LRBA: variants seen among roughly 807,000 people sequenced by gnomAD.
The protein encoded by LRBA is lipopolysaccharide-responsive and beige-like anchor protein.
A neutral mutation model predicts 330.0 loss-of-function variants in LRBA; 176 were observed. The ratio of observed to expected loss-of-function variants is 0.53; its 90% CI spans 0.47 to 0.60. The LOEUF is 0.60. Ranked by LOEUF, LRBA falls within the 20% of genes least tolerant of loss-of-function variation. The pLI is 0.00. For synonymous variants in LRBA, 1,230 were observed against 1,193.0 expected, an observed-to-expected ratio of 1.03 and a Z score of -0.64; for missense variants, 3,259 against 3,444.8, an observed-to-expected ratio of 0.95 and a Z score of 1.35.
intron 35 of LRBA, among the ~76,000 whole-genome samples, chr4:150,754,599 A>G (rs1734039883): frequency 6.6e-6 from 1 of 151,462 alleles, no homozygotes; most frequent in South Asian, 2.1e-4. Context: ...CTCTGACTCT[A>G]CCCTAAAAAT....
chr4:150,416,580 A>C (rs2151953911), intron 46 of LRBA, among the ~76,000 whole-genome samples: 1 of 152,286 alleles, frequency 6.6e-6, no homozygotes, highest in South Asian at 2.1e-4. Context: ...TGTTCTTCCA[A>C]ATGGCTGACA....
chr4:150,676,810 T>G (rs1782600734), intron 37 of LRBA, among the ~76,000 whole-genome samples: 1 of 152,194 alleles, frequency 6.6e-6, no homozygotes. Flanking sequence ...ACCCCCAAAC[T>G]ACAACTTCTA....
intron 28 of LRBA, among the ~76,000 whole-genome samples, chr4:150,835,867 G>A (rs1038103897): frequency 4.6e-5 from 7 of 152,034 alleles, no homozygotes; most frequent in African/African-American, 1.7e-4. Context: ...AGAGGGCATC[G>A]CTTTCTTGTG....
chr4:150,817,800 A>C (rs1281439181), intron 30 of LRBA, among the ~76,000 whole-genome samples: 1 of 152,124 alleles, frequency 6.6e-6, no homozygotes, highest in East Asian at 1.9e-4. Flanking sequence ...AAAGTTCTTT[A>C]TCTTGTATAT....
chr4:150,826,903 C>T (rs1178786685), intron 30 of LRBA, among the ~76,000 whole-genome samples: 1 of 152,184 alleles, frequency 6.6e-6, no homozygotes, highest in Non-Finnish European at 1.5e-5. Context: ...TGGAAACCAT[C>T]AAGTTTGAAA....
intron 2 of LRBA, among the ~76,000 whole-genome samples, chr4:150,954,756 G>A (rs1737332493): frequency 1.0e-5 from 1 of 100,258 alleles, no homozygotes; most frequent in Admixed American, 1.2e-4. Flanking sequence ...ACCCAAGAAT[G>A]ATCAATAAAT....
chr4:150,366,686 A>G (rs1433137399), intron 47 of LRBA, among the ~76,000 whole-genome samples: 1 of 152,326 alleles, frequency 6.6e-6, no homozygotes, highest in East Asian at 1.9e-4. Context: ...ACTGGCTTCA[A>G]ACGATGCCAC....
chr4:150,559,733 AATATAAT>A (rs1312552488), intron 40 of LRBA, among the ~76,000 whole-genome samples: 89 of 89,588 alleles, frequency 9.9e-4, no homozygotes, highest in African/African-American at 3.6e-3. Context: ...TATAATATAT[AATATAAT>A]ATATAATATA....
chr4:150,987,641 G>A (rs1741607187), intron 2 of LRBA, among the ~76,000 whole-genome samples: 2 of 152,004 alleles, frequency 1.3e-5, no homozygotes, highest in African/African-American at 2.4e-5. Flanking sequence ...GGGAGACAGA[G>A]GTGGCAGTGA....
At position 150,693,563 on chromosome 4, in the gene LRBA, CAAAAAA is replaced by C. The variant is rs70941428; in HGVS notation, c.5755-9852_5755-9847del. On this transcript the variant is annotated intron_variant, in intron 36 of 56. Transcript: ENST00000651943. Reference sequence around the variant, plus strand: ...TGGGTGACAGAGCGAGACTCCGTCTCAAAAAAAAAAAAAAAAAAAAAAATTGGGCAA... The same window carrying C: ...TGGGTGACAGAGCGAGACTCCGTCTCAAAAAAAAAAAAAAAAATTGGGCAA... 9.5e-4 allele frequency among the ~76,000 whole-genome samples: 50 copies of C among 52,712 alleles called. 2 individuals carry two copies. Among genetic ancestry groups the C allele is most frequent in the Admixed American group, 8.4e-3 (29 of 3,462 alleles). The allele number at this position is 52,712 out of a possible 152,430, so 34.6% of individuals were successfully genotyped here.
intron 36 of LRBA, among the ~76,000 whole-genome samples, chr4:150,703,061 T>G (rs995422637): frequency 2.0e-5 from 3 of 152,192 alleles, no homozygotes; most frequent in Non-Finnish European, 4.4e-5. Context: ...CTCGGGAGGC[T>G]GAGGCGTAAG....
intron 40 of LRBA, among the ~76,000 whole-genome samples, chr4:150,541,831 A>G (rs1765345374): frequency 1.3e-5 from 2 of 152,048 alleles, no homozygotes; most frequent in Non-Finnish European, 2.9e-5. Flanking sequence ...GGTGCACACT[A>G]TCACACCTGG....
intron 37 of LRBA, among the ~76,000 whole-genome samples, chr4:150,609,864 G>A (rs1393039621): frequency 6.6e-6 from 1 of 152,154 alleles, no homozygotes; most frequent in African/African-American, 2.4e-5. Flanking sequence ...TAGGAGGTGG[G>A]TAGCAGGAGC....
intron 28 of LRBA, among the ~76,000 whole-genome samples, chr4:150,833,447 T>C (rs935839170): frequency 6.6e-6 from 1 of 152,154 alleles, no homozygotes; most frequent in Non-Finnish European, 1.5e-5. Flanking sequence ...ACCATGGAGA[T>C]ACCACAGGTT....
At chr4:151,000,930 A>G (rs1020630107) in intron 2 of LRBA, among the ~76,000 whole-genome samples, 1 of 152,204 alleles carries the variant, frequency 6.6e-6, no homozygotes, top group Non-Finnish European at 1.5e-5. Context: ...GGGAAACAGT[A>G]AGTGGGAGAC....
At chr4:150,921,811 C>T (rs1278843616) in intron 4 of LRBA, among the ~76,000 whole-genome samples, 8 of 152,104 alleles carry the variant, frequency 5.3e-5, no homozygotes, top group Admixed American at 2.6e-4. Flanking sequence ...CCGCAACCTC[C>T]GCCTCCCAGG....
chr4:150,571,649 GTTTTTTTT>G (rs58652637), intron 40 of LRBA, among the ~76,000 whole-genome samples: 3 of 74,594 alleles, frequency 4.0e-5, no homozygotes, highest in Admixed American at 2.0e-4. Flanking sequence ...CTGGTTAGTT[GTTTTTTTT>G]TTTTTTTTTT....
intron 2 of LRBA, among the ~76,000 whole-genome samples, chr4:151,000,615 G>A (rs1743221785): frequency 6.6e-6 from 1 of 152,194 alleles, no homozygotes; most frequent in Admixed American, 6.5e-5. Context: ...GCTGGACAAA[G>A]GGATGATTTG....
chr4:150,868,678 C>T (rs1753046687), intron 20 of LRBA, among the ~76,000 whole-genome samples: 3 of 152,192 alleles, frequency 2.0e-5, no homozygotes, highest in Non-Finnish European at 4.4e-5. Context: ...TGGCTCACGC[C>T]TGTAATTCCA....
Sources: gnomAD v4.1 joint callset for allele counts (sites outside exome capture counted in the v4.1 genomes callset) on GRCh38, gnomAD v4.1.1 for gene constraint, MANE v1.5 for transcripts, NCBI Gene and HGNC (gene_info 2026-07-23, HGNC 2026-07-21) for gene names.